The following FOXN3 variants were observed in gnomAD, a reference collection of about 807,000 sequenced individuals.
FOXN3 encodes the protein forkhead box protein N3.
Under a neutral mutation model 38.4 loss-of-function variants are expected in FOXN3, and 7 were observed. The observed-to-expected ratio is 0.18, with a 90% CI of 0.10 to 0.34. FOXN3 has a LOEUF of 0.34. Among genes scored for constraint, FOXN3 ranks in the 10% least tolerant of loss-of-function variants. The pLI is 1.00. For missense variants in FOXN3, 456 were observed against 613.4 expected (o/e 0.74, Z 2.71); for synonymous variants, 230 against 242.2 (o/e 0.95, Z 0.47).
rs150946945 is a variant in FOXN3, at chr14:89,570,862, T to C, written c.-15+48166A>G. On this transcript the variant is annotated intron_variant, in intron 1 of 6. Transcript: ENST00000345097. ...TCTACCTTTGCCTTCAGACTAACCA[T>C]GGTAGCGATGCCCCATGTAGGAAGT... is the stretch of plus-strand genomic sequence containing the variant. Among the ~76,000 whole-genome samples, 155 of 152,302 alleles carry C rather than the reference T, an allele frequency of 1.0e-3. No individual in the cohort carries two copies. The Middle Eastern group carries it at 0.01, about 10-fold the overall frequency.
At chr14:89,499,939 T>A (rs1455225206) in intron 1 of FOXN3, among the ~76,000 whole-genome samples, 1 of 152,170 alleles carries the variant, frequency 6.6e-6, no homozygotes, top group African/African-American at 2.4e-5. Flanking sequence ...AACCTCCGCA[T>A]CTCGGGTTCA....
intron 3 of FOXN3, among the ~76,000 whole-genome samples, chr14:89,310,859 C>A (rs892425977): frequency 2.6e-5 from 4 of 152,042 alleles, no homozygotes; most frequent in Admixed American, 6.6e-5. Context: ...GTAATCCCAG[C>A]ACTTTGGGAG....
At chr14:89,243,678 A>G (rs982949825) in intron 4 of FOXN3, among the ~76,000 whole-genome samples, 1 of 152,188 alleles carries the variant, frequency 6.6e-6, no homozygotes, top group African/African-American at 2.4e-5. Flanking sequence ...AAATACAGTA[A>G]ATTTGACATC....
At chr14:89,220,586 G>T (rs1884432819) in intron 4 of FOXN3, among the ~76,000 whole-genome samples, 1 of 152,160 alleles carries the variant, frequency 6.6e-6, no homozygotes, top group Non-Finnish European at 1.5e-5. Flanking sequence ...ACACCAGCCT[G>T]GGTCACGAAT....
intron 1 of FOXN3, among the ~76,000 whole-genome samples, chr14:89,608,285 C>T (rs1029509671): frequency 1.3e-5 from 2 of 152,248 alleles, no homozygotes; most frequent in African/African-American, 4.8e-5. Flanking sequence ...CGTGAGCCAC[C>T]GTGCCCAGCC....
intron 4 of FOXN3, among the ~76,000 whole-genome samples, chr14:89,200,083 A>AAAAC (rs372214799): frequency 0.011 from 1,620 of 152,264 alleles, 28 homozygotes; most frequent in African/African-American, 0.036. Context: ...AGAACAGATG[A>AAAAC]AAACAAACAA....
At chr14:89,400,613 G>A (rs985147469) in intron 2 of FOXN3, among the ~76,000 whole-genome samples, 6 of 152,112 alleles carry the variant, frequency 3.9e-5, no homozygotes, top group African/African-American at 1.4e-4. Context: ...ACAAGCCCCA[G>A]AGAGGTAGAT....
At chr14:89,493,504 T>A (rs559723395) in intron 1 of FOXN3, among the ~76,000 whole-genome samples, 1 of 152,282 alleles carries the variant, frequency 6.6e-6, no homozygotes, top group South Asian at 2.1e-4. Flanking sequence ...TGAAGTCATA[T>A]AAGGTTACAA....
intron 5 of FOXN3, among the ~76,000 whole-genome samples, chr14:89,165,381 G>GT (rs1162233653): frequency 2.0e-5 from 3 of 152,234 alleles, no homozygotes; most frequent in African/African-American, 7.2e-5. Context: ...GCCTGATCAT[G>GT]TTTTTTACTT....
At chr14:89,364,883 G>A (rs1890091732) in intron 2 of FOXN3, among the ~76,000 whole-genome samples, 2 of 152,212 alleles carry the variant, frequency 1.3e-5, no homozygotes, top group Non-Finnish European at 2.9e-5. Flanking sequence ...AAGGACTCTT[G>A]TAAATGCTTC....
chr14:89,303,483 A>G lies in FOXN3; in HGVS notation c.681-22469T>C, dbSNP rs1887279871. On this transcript the variant is annotated intron_variant, in intron 3 of 5. Transcript: ENST00000557258. ...AGGAGCTGGCATGGAGTAGGTGTTC[A>G]ATAAACATCTGCTAAAAAAAAAAAA... Among the ~76,000 whole-genome samples the G allele has an allele frequency of 2.2e-5, 3 of 138,620 alleles. No homozygotes were observed. The Admixed American group carries it at 2.4e-4, about 11-fold the overall frequency. 90.9% of individuals were successfully genotyped at this position (138,620 alleles called of 152,430 possible). A position where few individuals can be genotyped will look rare whatever the true frequency, so the allele number is the denominator to read the frequency against.
chr14:89,169,232 G>A (rs1472511457), intron 5 of FOXN3, among the ~76,000 whole-genome samples: 1 of 152,138 alleles, frequency 6.6e-6, no homozygotes, highest in Non-Finnish European at 1.5e-5. Context: ...CTTGAGCCCA[G>A]GAGTTCCAAG....
intron 1 of FOXN3, among the ~76,000 whole-genome samples, chr14:89,434,945 T>G (rs1596272161): frequency 1.3e-5 from 2 of 152,222 alleles, no homozygotes; most frequent in Admixed American, 6.5e-5. Flanking sequence ...CAGAGAATTA[T>G]TATAGTTACA....
intron 4 of FOXN3, among the ~76,000 whole-genome samples, chr14:89,271,085 G>A (rs547090158): frequency 2.5e-4 from 38 of 152,150 alleles, no homozygotes; most frequent in African/African-American, 7.0e-4. Flanking sequence ...CACGTGCACC[G>A]CAGCAGGTAC....
chr14:89,193,997 A>C (rs1043366333), intron 4 of FOXN3, among the ~76,000 whole-genome samples: 3 of 152,214 alleles, frequency 2.0e-5, no homozygotes, highest in Non-Finnish European at 4.4e-5. Context: ...TTACATGAAA[A>C]GTCTGTTAAA....
At chr14:89,280,905 G>T in intron 4 of FOXN3, 45 bp downstream of exon 4, 1 of 1,535,770 alleles carries the variant, frequency 6.5e-7, no homozygotes, top group African/African-American at 1.4e-5. Context: ...TGAAAGGCGG[G>T]TGGGTGAGGG....
intron 1 of FOXN3, among the ~76,000 whole-genome samples, chr14:89,582,987 T>C (rs1298138162): frequency 6.6e-6 from 1 of 152,226 alleles, no homozygotes; most frequent in Non-Finnish European, 1.5e-5. Flanking sequence ...TTCCATTGTA[T>C]AGATATACCA....
intron 1 of FOXN3, among the ~76,000 whole-genome samples, chr14:89,459,534 C>A (rs952770133): frequency 6.6e-6 from 1 of 152,040 alleles, no homozygotes; most frequent in African/African-American, 2.4e-5. Flanking sequence ...GGACTGGAGC[C>A]GAGATTAGAA....
intron 1 of FOXN3, among the ~76,000 whole-genome samples, chr14:89,555,756 G>A (rs868278161): frequency 6.6e-6 from 1 of 151,830 alleles, no homozygotes; most frequent in African/African-American, 2.4e-5. Context: ...CCAAGGTTTA[G>A]ATGGTTAGGA....
Sources: allele counts gnomAD v4.1 joint callset (sites outside exome capture counted in the v4.1 genomes callset), GRCh38; gene constraint gnomAD v4.1.1; transcripts MANE v1.5; gene names NCBI Gene and HGNC (gene_info 2026-07-23, HGNC 2026-07-21).